Variants in DIAPH1 observed in about 807,000 individuals in gnomAD.
The protein encoded by DIAPH1 is diaphanous related formin 1, also known as protein diaphanous homolog 1.
DIAPH1 carries 46 observed loss-of-function variants against 140.7 expected under a neutral mutation model. That is an observed-to-expected ratio of 0.33 (90% CI 0.26 to 0.42). DIAPH1 has a LOEUF of 0.42. DIAPH1 is among the 10% of genes least tolerant of loss of function. The pLI is 1.00. For synonymous variants in DIAPH1, 565 were observed against 551.6 expected, an observed-to-expected ratio of 1.02 and a Z score of -0.34; for missense variants, 1,310 against 1,558.7, an observed-to-expected ratio of 0.84 and a Z score of 2.69.
intron 1 of DIAPH1, among the ~76,000 whole-genome samples, chr5:141,589,469 G>A (rs1290866656): frequency 6.6e-6 from 1 of 152,188 alleles, no homozygotes; most frequent in Non-Finnish European, 1.5e-5. Flanking sequence ...TTGGTACAAG[G>A]AAAGCAATTT....
intron 1 of DIAPH1, among the ~76,000 whole-genome samples, chr5:141,594,966 G>A (rs1261127763): frequency 6.6e-6 from 1 of 151,520 alleles, no homozygotes; most frequent in Admixed American, 6.6e-5. Flanking sequence ...ACTTGAAACC[G>A]GGAAGCAGAG....
intron 1 of DIAPH1, among the ~76,000 whole-genome samples, chr5:141,605,914 C>T (rs1221905809): frequency 6.6e-6 from 1 of 152,078 alleles, no homozygotes; most frequent in Non-Finnish European, 1.5e-5. Context: ...ACAGCCCTGG[C>T]GGATGCAAAG....
intron 1 of DIAPH1, among the ~76,000 whole-genome samples, chr5:141,590,421 C>G (rs998871288): frequency 1.2e-4 from 18 of 152,086 alleles, no homozygotes; most frequent in Admixed American, 5.9e-4. Context: ...AGAAGCAAAG[C>G]AGAAGGATGA....
chr5:141,611,294 T>C (rs898329846), intron 1 of DIAPH1, among the ~76,000 whole-genome samples: 2 of 152,118 alleles, frequency 1.3e-5, no homozygotes. Context: ...TTAGCGACCA[T>C]AATTTTAGCA....
intron 26 of DIAPH1, chr5:141,524,532 C>G: frequency 2.3e-6 from 1 of 441,624 alleles, no homozygotes; most frequent in East Asian, 4.8e-5. Context: ...ATACAACTGC[C>G]CAACTCCAAG....
At chr5:141,587,485 T>A (rs1194033501) in intron 2 of DIAPH1, 1 of 436,090 alleles carries the variant, frequency 2.3e-6, no homozygotes, top group East Asian at 4.7e-5. Flanking sequence ...CTGCCATTTC[T>A]AAGCCTTGTA....
chr5:141,572,056 G>C lies in DIAPH1; in HGVS notation c.2359-16C>G. The C allele has an allele frequency of 1.3e-6, 2 of 1,580,606 alleles. No homozygotes were observed. Among genetic ancestry groups the C allele is most frequent in the Non-Finnish European group, 1.7e-6 (2 of 1,149,392 alleles). On this transcript the variant is annotated splice_polypyrimidine_tract_variant and intron_variant, in intron 16 of 27. Coordinates refer to ENST00000389054, the MANE Select transcript of DIAPH1 (RefSeq NM_005219.5). Reference sequence around the variant, plus strand: ...CAGCCACAAGCTGTGGATAAAGGCAGGGTGTTAAGAATTAGTAAACTGAGC... The same window carrying C: ...CAGCCACAAGCTGTGGATAAAGGCACGGTGTTAAGAATTAGTAAACTGAGC...
At chr5:141,539,095 T>C (rs1368220620) in intron 18 of DIAPH1, among the ~76,000 whole-genome samples, 1 of 151,700 alleles carries the variant, frequency 6.6e-6, no homozygotes. Context: ...ACCAACATGG[T>C]GAAACCCTGT....
At chr5:141,540,827 A>G (rs1221378383) in intron 18 of DIAPH1, among the ~76,000 whole-genome samples, 1 of 150,768 alleles carries the variant, frequency 6.6e-6, no homozygotes, top group Non-Finnish European at 1.5e-5. Flanking sequence ...TGGGAGGCTG[A>G]GGTGGGCAGA....
intron 19 of DIAPH1, among the ~76,000 whole-genome samples, chr5:141,531,056 C>T (rs970541086): frequency 2.0e-5 from 3 of 152,188 alleles, no homozygotes; most frequent in Non-Finnish European, 4.4e-5. Context: ...TTCTCTCTCA[C>T]TTCCACGACT....
Position 141,517,015 on chromosome 5 carries a change from G to A in DIAPH1, c.3662-7C>T, listed in dbSNP as rs778069558. The A allele has an allele frequency of 6.8e-6, 11 of 1,614,016 alleles. No homozygotes were observed. Among genetic ancestry groups the A allele is most frequent in the Non-Finnish European group, 8.5e-7 (1 of 1,180,028 alleles). ...CACCCGGCCTTCCTGTTGGCTGCAAGAGAAGACGAGAGATTCTGTCTATGG... is the reference window on the plus strand; with the variant it reads ...CACCCGGCCTTCCTGTTGGCTGCAAAAGAAGACGAGAGATTCTGTCTATGG... On this transcript the variant is annotated splice_region_variant and splice_polypyrimidine_tract_variant and intron_variant, in intron 27 of 27. Coordinates refer to ENST00000389054, the MANE Select transcript of DIAPH1 (RefSeq NM_005219.5).
In DIAPH1 at chr5:141,516,775, G is replaced by C. The variant is rs1269236217; in HGVS notation, c.*76C>G. The C allele has an allele frequency of 9.5e-6, 15 of 1,571,262 alleles. No individual in the cohort carries two copies. Among genetic ancestry groups the C allele is most frequent in the Non-Finnish European group, 1.3e-5 (15 of 1,146,690 alleles). The stretch of plus-strand genomic sequence containing the variant: ...GGCCACCCCAGAGGAATATCCCCTT[G>C]AGCCTTTAGGCACATGCTGCAGGGC... On this transcript the variant is annotated 3_prime_UTR_variant, in exon 28 of 28. Transcript: ENST00000389054.
intron 27 of DIAPH1, among the ~76,000 whole-genome samples, chr5:141,523,329 G>T (rs551482788): frequency 6.6e-6 from 1 of 152,262 alleles, no homozygotes; most frequent in African/African-American, 2.4e-5. Context: ...ACCTTCACTA[G>T]ACACGATAGT....
chr5:141,614,218 T>C (rs191664272), intron 1 of DIAPH1, among the ~76,000 whole-genome samples: 1 of 152,304 alleles, frequency 6.6e-6, no homozygotes, highest in Admixed American at 6.5e-5. Context: ...AAGGGATATA[T>C]AAACCTGCAT....
intron 18 of DIAPH1, among the ~76,000 whole-genome samples, chr5:141,540,020 T>C (rs923292917): frequency 6.6e-6 from 1 of 152,038 alleles, no homozygotes; most frequent in African/African-American, 2.4e-5. Flanking sequence ...GGTTAGGTTA[T>C]TGATTTGAGA....
intron 1 of DIAPH1, among the ~76,000 whole-genome samples, chr5:141,608,469 C>A (rs2099901286): frequency 6.6e-6 from 1 of 152,184 alleles, no homozygotes; most frequent in South Asian, 2.1e-4. Context: ...AAGATCACAG[C>A]CTTAGAGCTT....
rs1596412893 is a variant in DIAPH1 at position 141,610,813 on chromosome 5, T to C, written c.117+7985A>G. ...AAATTAGGCCAGGTGCAGTGACTCA[T>C]GCCTTAATGCCAGCACTTTGGGAAG... is the stretch of plus-strand genomic sequence containing the variant. On this transcript the variant is annotated intron_variant, in intron 1 of 27. Transcript: ENST00000389054. 4.6e-5 allele frequency among the ~76,000 whole-genome samples: 7 copies of C among 151,612 alleles called. No individual in the cohort carries two copies. In the South Asian group the frequency reaches 1.5e-3, roughly 32 times the overall value.
intron 18 of DIAPH1, among the ~76,000 whole-genome samples, chr5:141,549,943 T>A (rs2099891434): frequency 6.6e-6 from 1 of 152,048 alleles, no homozygotes; most frequent in Non-Finnish European, 1.5e-5. Flanking sequence ...TGGTGTCAAG[T>A]GGATTAAAAA....
Position 141,576,857 on chromosome 5 carries a change from T to G in DIAPH1, c.1295A>C (p.Lys432Thr), listed in dbSNP as rs1562324184. Residue 432 changes from lysine to threonine, a missense_variant, in exon 13 of 28, where the codon AAG (lysine) becomes ACG (threonine). Physicochemically the swap from Lys to Thr is moderately conservative, Grantham distance 78 (BLOSUM62 -1). Coordinates refer to ENST00000389054, the MANE Select transcript of DIAPH1 (RefSeq NM_005219.5). ...NDYEARPQYYKLIEECISQIV... is the reference protein window; with the variant it reads ...NDYEARPQYYTLIEECISQIV... ...CTGGGAAATACATTCTTCAATCAAC[T>G]TATAGTACTGAGGTCTACAAGAGAA... is the stretch of plus-strand genomic sequence containing the variant. 1 of 1,603,796 alleles carries G rather than the reference T, an allele frequency of 6.2e-7. No individual in the cohort carries two copies. Among genetic ancestry groups the G allele is most frequent in the African/African-American group, 1.3e-5 (1 of 74,688 alleles).
Sources: gnomAD v4.1 joint callset for allele counts (sites outside exome capture counted in the v4.1 genomes callset) on GRCh38, gnomAD v4.1.1 for gene constraint, MANE v1.5 for transcripts, NCBI Gene and HGNC (gene_info 2026-07-23, HGNC 2026-07-21) for gene names.